Variants in INVS observed in about 807,000 individuals in gnomAD.
INVS encodes inversion of embryo turning homolog.
In INVS, 86 loss-of-function variants were observed where a neutral mutation model predicts 108.8. The observed-to-expected ratio is 0.79, with a 90% CI of 0.66 to 0.95. The LOEUF (loss-of-function observed/expected upper bound fraction) is 0.95, where lower values mean the gene tolerates loss of function less well. INVS is among the 40% of genes least tolerant of loss of function. The pLI is 0.00. For missense variants in INVS, 1,169 were observed against 1,297.4 expected (o/e 0.90, Z 1.52); for synonymous variants, 455 against 473.5 (o/e 0.96, Z 0.51).
intron 3 of INVS, among the ~76,000 whole-genome samples, chr9:100,183,080 C>G (rs1219387604): frequency 6.6e-6 from 1 of 152,046 alleles, no homozygotes; most frequent in African/African-American, 2.4e-5. Context: ...ACAATGAGAA[C>G]ACATGGATAC....
At chr9:100,138,345 G>C (rs1286807395) in intron 3 of INVS, among the ~76,000 whole-genome samples, 4 of 152,144 alleles carry the variant, frequency 2.6e-5, no homozygotes, top group Non-Finnish European at 5.9e-5. Flanking sequence ...GGTAGAAGTT[G>C]CAGTGAGCCG....
chr9:100,274,697 G>T (rs1253650076), intron 12 of INVS, among the ~76,000 whole-genome samples: 1 of 152,142 alleles, frequency 6.6e-6, no homozygotes, highest in Non-Finnish European at 1.5e-5. Context: ...TAGAGATGAG[G>T]TTTTGCCATG....
intron 3 of INVS, among the ~76,000 whole-genome samples, chr9:100,170,724 G>A (rs996217000): frequency 6.6e-6 from 1 of 152,110 alleles, no homozygotes; most frequent in Non-Finnish European, 1.5e-5. Flanking sequence ...CTTGAGGTTA[G>A]ATGAGAATAT....
At chr9:100,168,532 G>A (rs914073027) in intron 3 of INVS, among the ~76,000 whole-genome samples, 2 of 152,180 alleles carry the variant, frequency 1.3e-5, no homozygotes, top group African/African-American at 4.8e-5. Flanking sequence ...ATAATCAATA[G>A]CTGTCGTTGT....
intron 16 of INVS, among the ~76,000 whole-genome samples, chr9:100,298,528 G>C (rs917734034): frequency 6.6e-6 from 1 of 151,924 alleles, no homozygotes; most frequent in African/African-American, 2.4e-5. Context: ...ATTCACACCA[G>C]CATTAAATAT....
At chr9:100,234,125 C>A (rs1278534471) in intron 5 of INVS, among the ~76,000 whole-genome samples, 1 of 152,140 alleles carries the variant, frequency 6.6e-6, no homozygotes, top group Admixed American at 6.5e-5. Flanking sequence ...AGGAATTTAT[C>A]CATTTCTTGT....
intron 3 of INVS, among the ~76,000 whole-genome samples, chr9:100,133,193 AT>A (rs1381259404): frequency 6.6e-6 from 1 of 152,172 alleles, no homozygotes; most frequent in African/African-American, 2.4e-5. Flanking sequence ...AGTATTTCTT[AT>A]TTTTGCTTCA....
At chr9:100,171,341 T>C (rs1239064901) in intron 3 of INVS, among the ~76,000 whole-genome samples, 1 of 152,186 alleles carries the variant, frequency 6.6e-6, no homozygotes, top group Non-Finnish European at 1.5e-5. Context: ...TACAGGTTTG[T>C]AGTCTAGGAG....
At chr9:100,281,251 A>T (rs1833267624) in intron 12 of INVS, among the ~76,000 whole-genome samples, 1 of 152,184 alleles carries the variant, frequency 6.6e-6, no homozygotes, top group South Asian at 2.1e-4. Context: ...GCCTTGGGTA[A>T]GTCACTTACC....
chr9:100,136,697 A>G (rs1828235793), intron 3 of INVS, among the ~76,000 whole-genome samples: 1 of 152,194 alleles, frequency 6.6e-6, no homozygotes, highest in African/African-American at 2.4e-5. Context: ...AATTTAGGAG[A>G]AAGAATGGAT....
chr9:100,243,248 G>T (rs992799489), intron 7 of INVS, among the ~76,000 whole-genome samples: 1 of 152,162 alleles, frequency 6.6e-6, no homozygotes, highest in African/African-American at 2.4e-5. Flanking sequence ...CTAGAATCTT[G>T]TCTGTGCAGT....
chr9:100,264,924 G>GAGA lies in INVS; in HGVS notation c.1568_1570dup (p.Glu523_Arg524insLys). 1 of 1,588,802 alleles carries GAGA rather than the reference G, an allele frequency of 6.3e-7. No individual in the cohort carries two copies. Among genetic ancestry groups the GAGA allele is most frequent in the Non-Finnish European group, 8.6e-7 (1 of 1,157,368 alleles). Reference sequence around the variant, plus strand: ...CCCTAATCAGATGGAAAACAATGAAGAGAGGTAAGTTGTTGTTGACTTTTT... The same window carrying GAGA: ...CCCTAATCAGATGGAAAACAATGAAGAGAAGAGGTAAGTTGTTGTTGACTTTTT... On this transcript the variant is annotated inframe_insertion, in exon 11 of 17. Coordinates refer to ENST00000262457, the MANE Select transcript of INVS (RefSeq NM_014425.5).
intron 8 of INVS, among the ~76,000 whole-genome samples, chr9:100,248,634 G>A (rs1047797822): frequency 1.3e-4 from 19 of 151,980 alleles, no homozygotes; most frequent in Non-Finnish European, 2.2e-4. Flanking sequence ...TATTTTTTAG[G>A]CGTGATAACA....
chr9:100,216,679 A>G (rs1830997426), intron 3 of INVS, among the ~76,000 whole-genome samples: 1 of 152,156 alleles, frequency 6.6e-6, no homozygotes, highest in Non-Finnish European at 1.5e-5. Flanking sequence ...AAATAGCAAA[A>G]TCTTCATTGT....
intron 12 of INVS, among the ~76,000 whole-genome samples, chr9:100,275,347 A>AT (rs1564187124): frequency 6.6e-6 from 1 of 152,188 alleles, no homozygotes; most frequent in African/African-American, 2.4e-5. Context: ...GTGACAATCT[A>AT]TTTTCAAAAT....
At chr9:100,168,105 A>G (rs1829423798) in intron 3 of INVS, among the ~76,000 whole-genome samples, 1 of 151,958 alleles carries the variant, frequency 6.6e-6, no homozygotes, top group African/African-American at 2.4e-5. Context: ...CTCTTGCTGG[A>G]AAGTGAGTCA....
intron 3 of INVS, among the ~76,000 whole-genome samples, chr9:100,145,437 A>G (rs1055416197): frequency 3.9e-5 from 6 of 151,980 alleles, no homozygotes; most frequent in South Asian, 2.1e-4. Context: ...GTGCAAAGAT[A>G]AGAGGTCAGG....
Position 100,252,507 on chromosome 9 carries a change from G to A in INVS, c.1234+69G>A, listed in dbSNP as rs187066093. 1.3e-4 allele frequency: 183 copies of A among 1,425,470 alleles called. 2 individuals carry two copies. The East Asian group carries it at 4.1e-3, about 32-fold the overall frequency. 88.3% of individuals were successfully genotyped at this position (1,425,470 alleles called of 1,614,324 possible). ...AGGAATTCTTGCATACTCTGTTTAA[G>A]ATAAAGCTTTCCTTAGCAGAAAGCT... On this transcript the variant is annotated intron_variant, in intron 9 of 16. Coordinates refer to ENST00000262457, the MANE Select transcript of INVS (RefSeq NM_014425.5).
Position 100,280,255 on chromosome 9 carries a change from C to T in INVS, c.1785-4065C>T, listed in dbSNP as rs186126251. Among the ~76,000 whole-genome samples the T allele has an allele frequency of 5.9e-4, 90 of 152,248 alleles. 1 individual carries two copies. In the East Asian group the frequency reaches 0.015, roughly 26 times the overall value. On this transcript the variant is annotated intron_variant, in intron 12 of 16. Transcript: ENST00000262457. Reference sequence around the variant, plus strand: ...GTTGTGTCTTGTAAATCTTTTCTTCCCTGGGTAGACAGCCCCAGTCCCATC... The same window carrying T: ...GTTGTGTCTTGTAAATCTTTTCTTCTCTGGGTAGACAGCCCCAGTCCCATC...
Sources: gnomAD v4.1 joint callset for allele counts (sites outside exome capture counted in the v4.1 genomes callset) on GRCh38, gnomAD v4.1.1 for gene constraint, MANE v1.5 for transcripts, NCBI Gene and HGNC (gene_info 2026-07-23, HGNC 2026-07-21) for gene names.